PRKD1: variants seen among roughly 807,000 people sequenced by gnomAD.
The protein encoded by PRKD1 is serine/threonine-protein kinase D1.
PRKD1 carries 63 observed loss-of-function variants against 95.9 expected under a neutral mutation model. The ratio of observed to expected loss-of-function variants is 0.66; its 90% CI spans 0.54 to 0.81. The LOEUF is 0.81. PRKD1 is among the 30% of genes least tolerant of loss of function. PRKD1 has a pLI of 0.00. For missense variants in PRKD1, 1,048 were observed against 1,165.3 expected, an observed-to-expected ratio of 0.90 and a Z score of 1.47; for synonymous variants, 425 against 423.1, an observed-to-expected ratio of 1.00 and a Z score of -0.05.
chr14:29,640,631 G>T (rs540474897), intron 4 of PRKD1, among the ~76,000 whole-genome samples: 1 of 152,136 alleles, frequency 6.6e-6, no homozygotes, highest in African/African-American at 2.4e-5. Context: ...TGGAATTAAA[G>T]AATAATTAAA....
chr14:29,712,303 A>G (rs994702543), intron 2 of PRKD1, among the ~76,000 whole-genome samples: 5 of 152,140 alleles, frequency 3.3e-5, no homozygotes, highest in Non-Finnish European at 7.3e-5. Context: ...TGCCTCATTG[A>G]GAATTCTCCA....
chr14:29,619,703 T>G (rs1879117798), intron 13 of PRKD1, among the ~76,000 whole-genome samples: 1 of 152,212 alleles, frequency 6.6e-6, no homozygotes, highest in South Asian at 2.1e-4. Flanking sequence ...GTTAGAGTAG[T>G]GCTCATGTAT....
At chr14:29,809,736 T>A (rs1890400098) in intron 1 of PRKD1, among the ~76,000 whole-genome samples, 1 of 152,232 alleles carries the variant, frequency 6.6e-6, no homozygotes, top group South Asian at 2.1e-4. Flanking sequence ...TGATCTTCTA[T>A]CCAGACCACT....
At position 29,767,719 on chromosome 14, in the gene PRKD1, G is replaced by A. The variant is rs548194048; in HGVS notation, c.265-42045C>T. On this transcript the variant is annotated intron_variant, in intron 1 of 17. Coordinates refer to ENST00000331968, the MANE Select transcript of PRKD1 (RefSeq NM_002742.3). ...GAATAAAGACGATTTTAGCAGCAAT[G>A]TCACATTGTTACCTGAAAATCAGTC... Among the ~76,000 whole-genome samples the A allele has an allele frequency of 3.3e-4, 50 of 152,274 alleles. No homozygotes were observed. In the South Asian group the frequency reaches 5.2e-3, roughly 16 times the overall value.
At chr14:29,771,844 A>G (rs1262793061) in intron 1 of PRKD1, among the ~76,000 whole-genome samples, 1 of 152,228 alleles carries the variant, frequency 6.6e-6, no homozygotes, top group African/African-American at 2.4e-5. Context: ...GATTATTCAC[A>G]AGCCTTAAGA....
At chr14:29,800,679 GA>G (rs567376677) in intron 1 of PRKD1, among the ~76,000 whole-genome samples, 11 of 151,822 alleles carry the variant, frequency 7.2e-5, no homozygotes, top group African/African-American at 2.4e-4. Context: ...CAAATCACAG[GA>G]AAAAAAATGT....
chr14:29,638,267 A>C (rs1467636052), intron 6 of PRKD1: 1 of 533,280 alleles, frequency 1.9e-6, no homozygotes, highest in Admixed American at 3.5e-5. Context: ...TTTCAATACT[A>C]GCTGCTCACC....
chr14:29,845,734 A>G (rs1478706204), intron 1 of PRKD1, among the ~76,000 whole-genome samples: 9 of 152,214 alleles, frequency 5.9e-5, no homozygotes, highest in Non-Finnish European at 1.3e-4. Flanking sequence ...GAATACGTTA[A>G]TGTTCATAGA....
chr14:29,753,453 A>G (rs1887567190), intron 1 of PRKD1, among the ~76,000 whole-genome samples: 1 of 152,040 alleles, frequency 6.6e-6, no homozygotes, highest in African/African-American at 2.4e-5. Context: ...ATTCTTACAT[A>G]CTCTGCCTAT....
At chr14:29,583,397 C>T (rs1370175668) in intron 16 of PRKD1, among the ~76,000 whole-genome samples, 3 of 152,038 alleles carry the variant, frequency 2.0e-5, no homozygotes, top group African/African-American at 7.3e-5. Flanking sequence ...TTTGAATACC[C>T]CCACCTCACA....
chr14:29,826,859 A>ATATGTG (rs1555348624), intron 1 of PRKD1, among the ~76,000 whole-genome samples: 1 of 99,416 alleles, frequency 1.0e-5, no homozygotes, highest in South Asian at 3.2e-4. Flanking sequence ...ATATATATAT[A>ATATGTG]TATATATATA....
intron 1 of PRKD1, among the ~76,000 whole-genome samples, chr14:29,855,928 G>C (rs1476024010): frequency 6.6e-6 from 1 of 152,184 alleles, no homozygotes; most frequent in Admixed American, 6.5e-5. Context: ...ATGTGGAACT[G>C]TTAAGTTCAT....
At chr14:29,769,746 T>C (rs1275014710) in intron 1 of PRKD1, among the ~76,000 whole-genome samples, 1 of 152,144 alleles carries the variant, frequency 6.6e-6, no homozygotes, top group Non-Finnish European at 1.5e-5. Flanking sequence ...TGAGAAACAG[T>C]GTATGGAATA....
At chr14:29,720,750 A>G (rs901239593) in intron 2 of PRKD1, among the ~76,000 whole-genome samples, 12 of 151,716 alleles carry the variant, frequency 7.9e-5, no homozygotes, top group African/African-American at 2.7e-4. Context: ...ACTGCACTCC[A>G]GCCTGGGTGA....
intron 1 of PRKD1, among the ~76,000 whole-genome samples, chr14:29,748,792 T>C (rs1479708710): frequency 6.6e-6 from 1 of 152,230 alleles, no homozygotes; most frequent in Non-Finnish European, 1.5e-5. Flanking sequence ...CATCTTAATG[T>C]ACCATGCCAT....
chr14:29,786,586 G>A (rs534533903), intron 1 of PRKD1, among the ~76,000 whole-genome samples: 8 of 152,188 alleles, frequency 5.3e-5, no homozygotes, highest in African/African-American at 1.9e-4. Flanking sequence ...GTGTGTCCAA[G>A]AATTTGCCTG....
At chr14:29,730,203 G>C (rs1448647699) in intron 1 of PRKD1, among the ~76,000 whole-genome samples, 1 of 151,814 alleles carries the variant, frequency 6.6e-6, no homozygotes, top group Non-Finnish European at 1.5e-5. Flanking sequence ...ATGGCCAATA[G>C]GTATATGAAA....
chr14:29,761,804 G>T (rs989656864), intron 1 of PRKD1, among the ~76,000 whole-genome samples: 2 of 135,178 alleles, frequency 1.5e-5, no homozygotes, highest in African/African-American at 2.8e-5. Context: ...TTTTTGAGAC[G>T]CAAGGTCTCA....
intron 16 of PRKD1, among the ~76,000 whole-genome samples, chr14:29,596,940 T>A (rs1488189579): frequency 6.6e-6 from 1 of 152,070 alleles, no homozygotes. Flanking sequence ...TCTAAAGAAA[T>A]CATCAGAGAT....
Sources: gnomAD v4.1 joint callset for allele counts (sites outside exome capture counted in the v4.1 genomes callset) on GRCh38, gnomAD v4.1.1 for gene constraint, MANE v1.5 for transcripts, NCBI Gene and HGNC (gene_info 2026-07-23, HGNC 2026-07-21) for gene names.